Variants in TSPAN18 observed in about 807,000 individuals in gnomAD.
TSPAN18 encodes the protein tetraspanin-18.
TSPAN18 carries 14 observed loss-of-function variants against 27.3 expected under a neutral mutation model. The ratio of observed to expected loss-of-function variants is 0.51; its 90% CI spans 0.34 to 0.80. The LOEUF is 0.80. Ranked by LOEUF, TSPAN18 falls within the 30% of genes least tolerant of loss-of-function variation. The probability of loss-of-function intolerance (pLI) is 0.01; values close to 1 mark genes in which losing one functional copy is unlikely to be tolerated. For missense variants in TSPAN18, 268 were observed against 323.9 expected (o/e 0.83, Z 1.32); for synonymous variants, 143 against 136.5 (o/e 1.05, Z -0.33).
chr11:44,868,182 G>A (rs545858813), intron 3 of TSPAN18, among the ~76,000 whole-genome samples: 2 of 152,294 alleles, frequency 1.3e-5, no homozygotes, highest in African/African-American at 2.4e-5. Context: ...CTCAGGGGAC[G>A]CAGTTGGAGG....
intron 2 of TSPAN18, among the ~76,000 whole-genome samples, chr11:44,826,334 G>A (rs893769167): frequency 2.0e-5 from 3 of 152,236 alleles, no homozygotes; most frequent in African/African-American, 7.2e-5. Context: ...TGAGGCAGGA[G>A]AATCACTTGA....
At chr11:44,913,636 T>G (rs1859802801) in intron 5 of TSPAN18, among the ~76,000 whole-genome samples, 2 of 152,226 alleles carry the variant, frequency 1.3e-5, no homozygotes, top group Non-Finnish European at 1.5e-5. Context: ...TATGTAAATT[T>G]GGTAAATATT....
intron 2 of TSPAN18, among the ~76,000 whole-genome samples, chr11:44,796,287 T>C (rs1856347740): frequency 6.6e-6 from 1 of 152,212 alleles, no homozygotes. Context: ...TTTTGTGCAG[T>C]GGAGAAGCCA....
intron 2 of TSPAN18, among the ~76,000 whole-genome samples, chr11:44,800,033 TTTTAGTAGAGACAGGG>T (rs1479638064): frequency 1.3e-5 from 2 of 150,640 alleles, no homozygotes; most frequent in East Asian, 3.9e-4. Context: ...TTTTTTGTAT[TTTTAGTAGAGACAGGG>T]TTTCGCCATG....
At chr11:44,867,344 A>G (rs988095834) in intron 3 of TSPAN18, among the ~76,000 whole-genome samples, 12 of 147,198 alleles carry the variant, frequency 8.2e-5, no homozygotes, top group Admixed American at 8.1e-4. Context: ...CAGGTGATGC[A>G]CGCTGGGGAA....
At chr11:44,834,963 C>CTGTTAGTTT (rs1371989920) in intron 2 of TSPAN18, among the ~76,000 whole-genome samples, 6 of 152,198 alleles carry the variant, frequency 3.9e-5, no homozygotes, top group Non-Finnish European at 7.3e-5. Context: ...CACAGGGAAA[C>CTGTTAGTTT]CTGTAAGTTT....
intron 2 of TSPAN18, among the ~76,000 whole-genome samples, chr11:44,853,607 A>C (rs1857656429): frequency 6.6e-6 from 1 of 152,178 alleles, no homozygotes; most frequent in Non-Finnish European, 1.5e-5. Flanking sequence ...ACCTTGACAG[A>C]GATTACCCAG....
At chr11:44,912,272 C>T (rs771135456) in intron 5 of TSPAN18, among the ~76,000 whole-genome samples, 19 of 152,098 alleles carry the variant, frequency 1.2e-4, no homozygotes, top group African/African-American at 4.3e-4. Flanking sequence ...TCCACCGCCT[C>T]GGCCTCTCAG....
intron 6 of TSPAN18, 130 bp downstream of exon 6, chr11:44,918,176 C>A: frequency 2.1e-6 from 2 of 938,502 alleles, no homozygotes; most frequent in Non-Finnish European, 3.3e-6. Context: ...ACTTCCAGCC[C>A]AAGTCATGGC....
chr11:44,931,867 T>TACA lies in TSPAN18; in HGVS notation c.*2693_*2695dup, dbSNP rs1860576257. 1 of 152,124 alleles carries TACA rather than the reference T, an allele frequency of 6.6e-6. No individual in the cohort carries two copies. The highest frequency in any genetic ancestry group is 1.9e-4 in the East Asian group (1 of 5,190). 9.4% of individuals were successfully genotyped at this position (152,124 alleles called of 1,614,324 possible). A position where few individuals can be genotyped will look rare whatever the true frequency, so the allele number is the denominator to read the frequency against. Reference sequence around the variant, plus strand: ...CTCTTTGTTTCTTTTCACCCCGAAATACAACAGCCCATAACAGAGACTTCC... The same window carrying TACA: ...CTCTTTGTTTCTTTTCACCCCGAAATACAACAACAGCCCATAACAGAGACTTCC... On this transcript the variant is annotated 3_prime_UTR_variant, in exon 10 of 10. Coordinates refer to ENST00000520358, the MANE Select transcript of TSPAN18 (RefSeq NM_130783.5).
chr11:44,902,657 G>C (rs1859304406), intron 3 of TSPAN18, among the ~76,000 whole-genome samples: 1 of 152,204 alleles, frequency 6.6e-6, no homozygotes, highest in Admixed American at 6.5e-5. Flanking sequence ...CCCTCTGGGA[G>C]GGCAGGGCCT....
In TSPAN18 at chr11:44,790,544, GTT is replaced by G. The variant is rs532881621; in HGVS notation, c.-153+26034_-153+26035del. Among the ~76,000 whole-genome samples, 1,225 of 149,472 alleles carry G rather than the reference GTT, an allele frequency of 8.2e-3. 18 individuals carry two copies. Among genetic ancestry groups the G allele is most frequent in the African/African-American group, 0.029 (1,159 of 40,588 alleles). ...TTTTGGTGTGTGCATGTGTGTGCATGTTTGTGTGTGCATGTGTTCGTGTGTGT... is the reference window on the plus strand; with the variant it reads ...TTTTGGTGTGTGCATGTGTGTGCATGTGTGTGTGCATGTGTTCGTGTGTGT... On this transcript the variant is annotated intron_variant, in intron 2 of 9. Coordinates refer to ENST00000520358, the MANE Select transcript of TSPAN18 (RefSeq NM_130783.5).
intron 3 of TSPAN18, among the ~76,000 whole-genome samples, chr11:44,892,233 T>C (rs917090762): frequency 1.3e-5 from 2 of 152,200 alleles, no homozygotes; most frequent in African/African-American, 4.8e-5. Context: ...GATCACCAGT[T>C]TGGCTGCCAG....
At chr11:44,856,792 ATACTTGTCCAAGTTC>A (rs1298674798) in intron 2 of TSPAN18, among the ~76,000 whole-genome samples, 1 of 152,020 alleles carries the variant, frequency 6.6e-6, no homozygotes, top group African/African-American at 2.4e-5. Flanking sequence ...ATTTCGGGAA[ATACTTGTCCAAGTTC>A]TACCTACTTT....
chr11:44,740,347 G>A (rs1411933232), intron 1 of TSPAN18, among the ~76,000 whole-genome samples: 1 of 152,194 alleles, frequency 6.6e-6, no homozygotes, highest in Non-Finnish European at 1.5e-5. Context: ...GCAGATCAAA[G>A]GGCTTTTTGT....
intron 1 of TSPAN18, among the ~76,000 whole-genome samples, chr11:44,750,982 T>G (rs1855197407): frequency 1.3e-5 from 2 of 152,204 alleles, no homozygotes; most frequent in Non-Finnish European, 2.9e-5. Context: ...CTTTGCTTTA[T>G]TATGGAGGTA....
intron 2 of TSPAN18, among the ~76,000 whole-genome samples, chr11:44,834,459 T>C (rs1000495621): frequency 5.9e-5 from 9 of 151,946 alleles, no homozygotes; most frequent in East Asian, 1.9e-4. Flanking sequence ...GGTTGTGAAG[T>C]TGGCAAATGA....
chr11:44,807,453 G>A (rs754059583), intron 2 of TSPAN18, among the ~76,000 whole-genome samples: 25 of 146,322 alleles, frequency 1.7e-4, no homozygotes, highest in Admixed American at 1.5e-3. Flanking sequence ...GCTTGAATCC[G>A]GGAGGCGGAG....
At chr11:44,795,175 G>C (rs1334696238) in intron 2 of TSPAN18, among the ~76,000 whole-genome samples, 1 of 150,700 alleles carries the variant, frequency 6.6e-6, no homozygotes, top group Admixed American at 6.7e-5. Context: ...TACCACCTGG[G>C]CTCCTTCAAC....
Sources: gnomAD v4.1 joint callset for allele counts (sites outside exome capture counted in the v4.1 genomes callset) on GRCh38, gnomAD v4.1.1 for gene constraint, MANE v1.5 for transcripts, NCBI Gene and HGNC (gene_info 2026-07-23, HGNC 2026-07-21) for gene names.